DLC1: variants seen among roughly 807,000 people sequenced by gnomAD.
DLC1 encodes rho GTPase-activating protein 7.
In DLC1, 54 loss-of-function variants were observed where a neutral mutation model predicts 140.3. The observed-to-expected ratio is 0.38, with a 90% CI of 0.31 to 0.48. DLC1 has a LOEUF of 0.48. DLC1 is among the 20% of genes least tolerant of loss of function. DLC1 has a pLI of 0.96. For synonymous variants in DLC1, 986 were observed against 728.1 expected (o/e 1.35, Z -5.70); for missense variants, 2,536 against 1,907.0 (o/e 1.33, Z -6.14).
At chr8:13,414,435 A>G (rs1224272488) in intron 2 of DLC1, among the ~76,000 whole-genome samples, 1 of 152,188 alleles carries the variant, frequency 6.6e-6, no homozygotes, top group Non-Finnish European at 1.5e-5. Context: ...AATATGTTGA[A>G]TCCTGGCTTG....
At chr8:13,556,083 T>C (rs1039929319) in intron 1 of DLC1, among the ~76,000 whole-genome samples, 5 of 152,158 alleles carry the variant, frequency 3.3e-5, no homozygotes, top group African/African-American at 1.2e-4. Context: ...GGTGTGATAC[T>C]GCTCTCTGTG....
chr8:13,395,872 A>C (rs1837018249), intron 3 of DLC1, among the ~76,000 whole-genome samples: 1 of 151,844 alleles, frequency 6.6e-6, no homozygotes, highest in Non-Finnish European at 1.5e-5. Context: ...TTGCATAGAA[A>C]AGACAAACTA....
intron 5 of DLC1, among the ~76,000 whole-genome samples, chr8:13,183,322 G>A (rs530368223): frequency 1.4e-4 from 22 of 152,158 alleles, no homozygotes; most frequent in Non-Finnish European, 2.8e-4. Context: ...TCTCTTGCCT[G>A]ATTGCCCTGG....
At chr8:13,211,077 C>T (rs1437531123) in intron 5 of DLC1, among the ~76,000 whole-genome samples, 1 of 152,086 alleles carries the variant, frequency 6.6e-6, no homozygotes, top group Non-Finnish European at 1.5e-5. Flanking sequence ...TGCCTCAAAC[C>T]AGCTAGGACT....
chr8:13,503,622 T>C (rs891519242), intron 1 of DLC1, among the ~76,000 whole-genome samples: 1 of 152,194 alleles, frequency 6.6e-6, no homozygotes, highest in African/African-American at 2.4e-5. Flanking sequence ...GAGAGCAAGG[T>C]GCAGATGAAG....
At chr8:13,355,428 G>C (rs1834891273) in intron 4 of DLC1, among the ~76,000 whole-genome samples, 1 of 152,266 alleles carries the variant, frequency 6.6e-6, no homozygotes, top group African/African-American at 2.4e-5. Flanking sequence ...TAAAACAACA[G>C]AAATTTATTT....
In DLC1 at chr8:13,150,625, C is replaced by T. The variant is rs185807912; in HGVS notation, c.1349-34968G>A. On this transcript the variant is annotated intron_variant, in intron 5 of 17. Coordinates refer to ENST00000276297, the MANE Select transcript of DLC1 (RefSeq NM_182643.3). ...TGGGGACTTCCTCCTTTGCAGGAAACCAGGCCTCTGGCTATGGCTTTGTCT... is the reference window on the plus strand; with the variant it reads ...TGGGGACTTCCTCCTTTGCAGGAAATCAGGCCTCTGGCTATGGCTTTGTCT... Among the ~76,000 whole-genome samples, 552 of 152,328 alleles carry T rather than the reference C, an allele frequency of 3.6e-3. 4 individuals carry two copies. Among genetic ancestry groups the T allele is most frequent in the Non-Finnish European group, 5.1e-3 (344 of 68,026 alleles).
chr8:13,547,471 A>G (rs1320218906), intron 1 of DLC1, among the ~76,000 whole-genome samples: 1 of 152,024 alleles, frequency 6.6e-6, no homozygotes, highest in Non-Finnish European at 1.5e-5. Flanking sequence ...ATAACCAGAA[A>G]TGTCACTGTC....
Position 13,115,611 on chromosome 8 carries a change from G to A in DLC1, c.1395C>T (p.Phe465=), listed in dbSNP as rs1292514101. 2 of 1,613,878 alleles carry A rather than the reference G, an allele frequency of 1.2e-6. No individual in the cohort carries two copies. Among genetic ancestry groups the A allele is most frequent in the African/African-American group, 1.3e-5 (1 of 74,914 alleles). Residue 465 remains phenylalanine, a synonymous_variant, in exon 6 of 18, where the codon TTC becomes TTT. Coordinates refer to ENST00000276297, the MANE Select transcript of DLC1 (RefSeq NM_182643.3). ...CTTCATAAAGCTGTGCATACTGGGG[G>A]AAACCAGTTGCCCGTAGCCAATCAC... ...EACDWLRATG[F]PQYAQLYEDF...
chr8:13,251,280 G>A (rs2410042), intron 5 of DLC1, among the ~76,000 whole-genome samples: 35,542 of 151,992 alleles, frequency 0.23, 4,316 homozygotes, highest in South Asian at 0.34. Context: ...CGGGGTTAGA[G>A]CTTTAACATA....
At chr8:13,195,261 G>C (rs1028540119) in intron 5 of DLC1, among the ~76,000 whole-genome samples, 2 of 140,114 alleles carry the variant, frequency 1.4e-5, no homozygotes, top group African/African-American at 5.2e-5. Flanking sequence ...GGATACCTTG[G>C]GATATCTGTT....
At chr8:13,440,713 G>T (rs772660037) in intron 2 of DLC1, among the ~76,000 whole-genome samples, 72 of 152,070 alleles carry the variant, frequency 4.7e-4, no homozygotes, top group Admixed American at 4.0e-3. Flanking sequence ...TTGAATCATG[G>T]CGGACAGTCT....
At chr8:13,572,091 A>ATTTTTTTTTT (rs773027065) in intron 1 of DLC1, among the ~76,000 whole-genome samples, 2 of 56,302 alleles carry the variant, frequency 3.6e-5, no homozygotes, top group Non-Finnish European at 6.6e-5. Context: ...TATTATTATT[A>ATTTTTTTTTT]TTTATTTTTT....
chr8:13,254,983 C>CT (rs549628779), intron 5 of DLC1, among the ~76,000 whole-genome samples: 11,650 of 149,572 alleles, frequency 0.078, 475 homozygotes, highest in South Asian at 0.17. Flanking sequence ...TTTCTTTTTT[C>CT]TTATTTTTTT....
At chr8:13,160,169 G>C (rs1824574261) in intron 5 of DLC1, 1 of 152,282 alleles carries the variant, frequency 6.6e-6, no homozygotes, top group African/African-American at 2.4e-5. Context: ...GAAAAAAGGT[G>C]AGTAGGGGGG....
intron 13 of DLC1, 120 bp downstream of exon 13, chr8:13,092,492 A>G: frequency 9.3e-7 from 1 of 1,070,666 alleles, no homozygotes; most frequent in East Asian, 2.6e-5. Context: ...ATGGACTAAT[A>G]TAGCGGTCTA....
intron 5 of DLC1, among the ~76,000 whole-genome samples, chr8:13,144,297 G>T (rs1203115623): frequency 2.0e-5 from 3 of 152,182 alleles, no homozygotes; most frequent in Non-Finnish European, 4.4e-5. Flanking sequence ...CAGTGCCCCT[G>T]CAGGATCTTA....
intron 1 of DLC1, among the ~76,000 whole-genome samples, chr8:13,528,795 C>A (rs1478830937): frequency 6.6e-6 from 1 of 152,174 alleles, no homozygotes; most frequent in Non-Finnish European, 1.5e-5. Context: ...ACAAAAACAA[C>A]TCCACATGCA....
chr8:13,415,934 C>T (rs1563328688), intron 2 of DLC1, among the ~76,000 whole-genome samples: 1 of 152,128 alleles, frequency 6.6e-6, no homozygotes, highest in Admixed American at 6.6e-5. Flanking sequence ...CGAAATTTCT[C>T]CTGGGAAGTT....
Sources: allele counts gnomAD v4.1 joint callset (sites outside exome capture counted in the v4.1 genomes callset), GRCh38; gene constraint gnomAD v4.1.1; transcripts MANE v1.5; gene names NCBI Gene and HGNC (gene_info 2026-07-23, HGNC 2026-07-21).